ZDHHC23: variants seen among roughly 807,000 people sequenced by gnomAD.
ZDHHC23 encodes the protein palmitoyltransferase ZDHHC23.
ZDHHC23 carries 41 observed loss-of-function variants against 40.2 expected under a neutral mutation model. That is an observed-to-expected ratio of 1.02 (90% CI 0.79 to 1.32). ZDHHC23 has a LOEUF of 1.32. Ranked by LOEUF, ZDHHC23 falls within the 40% of genes most tolerant of loss-of-function variation. ZDHHC23 has a pLI of 0.00. For synonymous variants in ZDHHC23, 204 were observed against 210.2 expected, an observed-to-expected ratio of 0.97 and a Z score of 0.26; for missense variants, 471 against 541.5, an observed-to-expected ratio of 0.87 and a Z score of 1.29.
rs1380403395 is a variant in ZDHHC23, at chr3:113,959,452, C to T, written c.*822C>T. Reference sequence around the variant, plus strand: ...TTCTTCTATTTATATTTTATAAATTCTGCTTGGGTTTCTTATAAATAACTC... The same window carrying T: ...TTCTTCTATTTATATTTTATAAATTTTGCTTGGGTTTCTTATAAATAACTC... On this transcript the variant is annotated 3_prime_UTR_variant, in exon 5 of 5. Coordinates refer to ENST00000638807, the MANE Select transcript of ZDHHC23 (RefSeq NM_001320466.2). The T allele has an allele frequency of 8.0e-7, 1 of 1,254,440 alleles. No individual in the cohort carries two copies. The highest frequency in any genetic ancestry group is 1.0e-6 in the Non-Finnish European group (1 of 961,626). 77.7% of individuals were successfully genotyped at this position (1,254,440 alleles called of 1,614,324 possible). A position where few individuals can be genotyped will look rare whatever the true frequency, so the allele number is the denominator to read the frequency against.
At position 113,960,450 on chromosome 3, in the gene ZDHHC23, G is replaced by A; in HGVS notation, c.*1820G>A. On this transcript the variant is annotated 3_prime_UTR_variant, in exon 5 of 5. Transcript: ENST00000638807. Reference sequence around the variant, plus strand: ...TTCTTTCTATACAGGTTTTACATAAGAGAGACAGTAATAATGTCAAGGATA... The same window carrying A: ...TTCTTTCTATACAGGTTTTACATAAAAGAGACAGTAATAATGTCAAGGATA... The A allele has an allele frequency of 6.6e-6, 9 of 1,358,824 alleles. No individual in the cohort carries two copies. Among genetic ancestry groups the A allele is most frequent in the Non-Finnish European group, 8.5e-6 (9 of 1,061,998 alleles). The allele number at this position is 1,358,824 out of a possible 1,614,324, so 84.2% of individuals were successfully genotyped here. A position where few individuals can be genotyped will look rare whatever the true frequency, so the allele number is the denominator to read the frequency against.
chr3:113,974,455 G>A, the ZDHHC23 span, among the ~76,000 whole-genome samples: 2 of 152,026 alleles, frequency 1.3e-5, no homozygotes, highest in Non-Finnish European at 2.9e-5. Context: ...GAGTAGGTGG[G>A]ACTACAGATG....
intron 3 of ZDHHC23, 72 bp from the exon 4 acceptor site, chr3:113,956,267 G>T: frequency 2.0e-6 from 3 of 1,483,184 alleles, no homozygotes; most frequent in Non-Finnish European, 2.8e-6. Flanking sequence ...AAGCTTTCAT[G>T]TTTATTATGT....
In ZDHHC23 at chr3:113,948,727, T is replaced by A; in HGVS notation, c.-76T>A. ...AGAGAGAGAGAGGCGTGGACCTATTTACGAGATGTAAGTTGTGTTCTTTCC... is the reference window on the plus strand; with the variant it reads ...AGAGAGAGAGAGGCGTGGACCTATTAACGAGATGTAAGTTGTGTTCTTTCC... On this transcript the variant is annotated 5_prime_UTR_variant, in exon 2 of 5. Coordinates refer to ENST00000638807, the MANE Select transcript of ZDHHC23 (RefSeq NM_001320466.2). 2 of 1,562,728 alleles carry A rather than the reference T, an allele frequency of 1.3e-6. No homozygotes were observed. Among genetic ancestry groups the A allele is most frequent in the Non-Finnish European group, 1.8e-6 (2 of 1,140,674 alleles).
the ZDHHC23 span, chr3:113,978,997 T>C: frequency 6.2e-7 from 1 of 1,613,640 alleles, no homozygotes; most frequent in Non-Finnish European, 8.5e-7. Flanking sequence ...CAAAGAGTAA[T>C]GTTCTTCTGC....
At chr3:113,978,978 C>G in the ZDHHC23 span, 1 of 1,614,014 alleles carries the variant, frequency 6.2e-7, no homozygotes, top group Non-Finnish European at 8.5e-7. Flanking sequence ...TGTATTTCCT[C>G]TGCAGGAACA....
Position 113,960,889 on chromosome 3 carries a change from A to AGGCTTTTCCCAC in ZDHHC23, c.*2259_*2260insGGCTTTTCCCAC. 1 of 1,218,354 alleles carries AGGCTTTTCCCAC rather than the reference A, an allele frequency of 8.2e-7. No homozygotes were observed. The highest frequency in any genetic ancestry group is 1.1e-6 in the Non-Finnish European group (1 of 913,624). 75.5% of individuals were successfully genotyped at this position (1,218,354 alleles called of 1,614,324 possible). On this transcript the variant is annotated 3_prime_UTR_variant, in exon 5 of 5. Transcript: ENST00000638807. Reference sequence around the variant, plus strand: ...AAAAGATGAGTGATCTTGTGTGGGAAAAGCCTTCCCAGGCGTCTGTACCGA... The same window carrying AGGCTTTTCCCAC: ...AAAAGATGAGTGATCTTGTGTGGGAAGGCTTTTCCCACAAGCCTTCCCAGGCGTCTGTACCGA...
chr3:113,960,642 A>T lies in ZDHHC23; in HGVS notation c.*2012A>T. ...AAATGTAATGTGATGTGATGAAGAT[A>T]AGTAGTACAAAGAGACCAAAATAAT... On this transcript the variant is annotated 3_prime_UTR_variant, in exon 5 of 5. Coordinates refer to ENST00000638807, the MANE Select transcript of ZDHHC23 (RefSeq NM_001320466.2). The T allele has an allele frequency of 2.5e-6, 4 of 1,596,354 alleles. No homozygotes were observed. The highest frequency in any genetic ancestry group is 3.4e-6 in the Non-Finnish European group (4 of 1,174,708).
chr3:113,975,704 C>T, the ZDHHC23 span, among the ~76,000 whole-genome samples: 1 of 152,148 alleles, frequency 6.6e-6, no homozygotes, highest in African/African-American at 2.4e-5. Context: ...GACATTTAAG[C>T]AGAGAGCTAA....
chr3:113,971,658 G>C, the ZDHHC23 span, among the ~76,000 whole-genome samples: 18 of 151,990 alleles, frequency 1.2e-4, no homozygotes, highest in Non-Finnish European at 2.2e-4. Flanking sequence ...TCCTTGTTTG[G>C]TTTTGGTATC....
chr3:113,968,627 T>G (rs938768143), downstream of ZDHHC23, among the ~76,000 whole-genome samples: 13 of 111,742 alleles, frequency 1.2e-4, no homozygotes, highest in Non-Finnish European at 2.1e-4. Flanking sequence ...TAGTTTTTTG[T>G]TTTTTTTTTT....
At chr3:113,976,970 G>GTATC in the ZDHHC23 span, among the ~76,000 whole-genome samples, 2 of 152,110 alleles carry the variant, frequency 1.3e-5, no homozygotes, top group African/African-American at 2.4e-5. Flanking sequence ...CTGATTTCCA[G>GTATC]TATCTGTGAA....
the ZDHHC23 span, among the ~76,000 whole-genome samples, chr3:113,977,803 C>T: frequency 1.3e-5 from 2 of 152,152 alleles, no homozygotes; most frequent in Admixed American, 6.5e-5. Flanking sequence ...AAGCACTTTT[C>T]TATATTTGTC....
chr3:113,951,716 A>G (rs1042137587), intron 2 of ZDHHC23, among the ~76,000 whole-genome samples: 1 of 152,192 alleles, frequency 6.6e-6, no homozygotes, highest in Admixed American at 6.5e-5. Flanking sequence ...GCTAATCCAT[A>G]CTGATCTCAT....
downstream of ZDHHC23, chr3:113,965,067 G>C: frequency 3.0e-6 from 2 of 664,236 alleles, no homozygotes; most frequent in Non-Finnish European, 2.5e-6. Flanking sequence ...AATAAACCAG[G>C]TGTATGTATG....
chr3:113,965,130 G>C (rs193002499), downstream of ZDHHC23: 2 of 1,505,038 alleles, frequency 1.3e-6, no homozygotes, highest in Non-Finnish European at 1.8e-6. Flanking sequence ...CGAGCTTCCT[G>C]TCCTAAATAT....
intron 3 of ZDHHC23, among the ~76,000 whole-genome samples, chr3:113,956,035 A>G (rs769097920): frequency 1.4e-4 from 21 of 152,156 alleles, no homozygotes; most frequent in Non-Finnish European, 2.9e-4. Context: ...TGAGGTCAGG[A>G]GTTCAAGACC....
At chr3:113,968,454 C>T (rs1940438283), downstream of ZDHHC23, among the ~76,000 whole-genome samples, 1 of 146,766 alleles carries the variant, frequency 6.8e-6, no homozygotes, top group East Asian at 1.9e-4. Context: ...TTTAGATCTT[C>T]CCCCCCCTTT....
chr3:113,954,701 A>G (rs907704066), intron 3 of ZDHHC23, among the ~76,000 whole-genome samples: 2 of 152,142 alleles, frequency 1.3e-5, no homozygotes, highest in African/African-American at 2.4e-5. Context: ...TAATAGAGAA[A>G]TATCTACAGT....
Sources: allele counts gnomAD v4.1 joint callset (sites outside exome capture counted in the v4.1 genomes callset), GRCh38; gene constraint gnomAD v4.1.1; transcripts MANE v1.5; gene names NCBI Gene and HGNC (gene_info 2026-07-23, HGNC 2026-07-21).